Variants in DMD observed in about 807,000 individuals in gnomAD.
DMD encodes the protein mutant dystrophin.
DMD carries 63 observed loss-of-function variants against 330.1 expected under a neutral mutation model. The observed-to-expected ratio is 0.19, with a 90% confidence interval of 0.16 to 0.24. The LOEUF (loss-of-function observed/expected upper bound fraction) is 0.24. Among genes scored for constraint, DMD ranks in the 10% least tolerant of loss-of-function variants. DMD has a pLI of 1.00. For synonymous variants in DMD, 1,223 were observed against 959.8 expected, an observed-to-expected ratio of 1.27 and a Z score of -5.07; for missense variants, 3,344 against 2,684.1, an observed-to-expected ratio of 1.25 and a Z score of -5.43.
chrX:31,467,869 C>T (rs1483389243), intron 59 of DMD, among the ~76,000 whole-genome samples: 5 of 111,522 alleles, frequency 4.5e-5, no homozygotes, highest in Admixed American at 9.5e-5. Flanking sequence ...TTCAGGGATT[C>T]GATTTCTTCC....
intron 25 of DMD, among the ~76,000 whole-genome samples, chrX:32,455,701 C>A (rs73619092): frequency 0.046 from 5,151 of 110,964 alleles, 339 homozygotes; most frequent in African/African-American, 0.16. Context: ...AAGGTGCTTT[C>A]ATGAGAGATT....
chrX:31,510,726 G>C (rs1287569108), intron 55 of DMD, among the ~76,000 whole-genome samples: 1 of 109,632 alleles, frequency 9.1e-6, no homozygotes, highest in African/African-American at 3.3e-5. Context: ...AGCCAGGATG[G>C]TCTCGATCTC....
At chrX:32,082,410 A>ATCTATCTG (rs2096399617) in intron 44 of DMD, among the ~76,000 whole-genome samples, 1 of 107,389 alleles carries the variant, frequency 9.3e-6, no homozygotes, top group African/African-American at 3.4e-5. Context: ...CTATCTATCT[A>ATCTATCTG]TCTATCTATC....
At chrX:31,393,501 A>AC (rs1475110734) in intron 60 of DMD, among the ~76,000 whole-genome samples, 1 of 97,932 alleles carries the variant, frequency 1.0e-5, no homozygotes, top group African/African-American at 5.3e-5. Flanking sequence ...ACAAAAAAAA[A>AC]AAACAAACCC....
intron 25 of DMD, among the ~76,000 whole-genome samples, chrX:32,456,958 TAAA>T (rs59677275): frequency 1.2e-3 from 99 of 80,024 alleles, no homozygotes; most frequent in East Asian, 2.7e-3. Context: ...TCCAGATTGT[TAAA>T]AAAAAAAAAA....
At position 32,684,628 on chromosome X, in the gene DMD, A is replaced by G. The variant is rs760142964; in HGVS notation, c.960+13242T>C. Among the ~76,000 whole-genome samples, 169 of 111,798 alleles carry G rather than the reference A, an allele frequency of 1.5e-3. 1 individual carries two copies. The highest frequency in any genetic ancestry group is 4.7e-3 in the Middle Eastern group (1 of 214). The stretch of plus-strand genomic sequence containing the variant: ...CTGTTTCTTTATGTTCTGCAAAATT[A>G]TCAGTATTATCACTGTTTCAATCTG... On this transcript the variant is annotated intron_variant, in intron 9 of 78. Transcript: ENST00000357033.
At chrX:32,467,888 T>C (rs1000980837) in intron 23 of DMD, among the ~76,000 whole-genome samples, 1 of 110,001 alleles carries the variant, frequency 9.1e-6, no homozygotes, top group Non-Finnish European at 1.9e-5. Context: ...AGGAGTATCA[T>C]AGGACATTAA....
chrX:33,322,178 G>A (rs936259204), intron 1 of DMD, among the ~76,000 whole-genome samples: 1 of 111,429 alleles, frequency 9.0e-6, no homozygotes, highest in African/African-American at 3.3e-5. Context: ...ACTGTCTGGT[G>A]CAAGACGCCT....
At chrX:33,238,629 A>C (rs1346111843) in intron 1 of DMD, among the ~76,000 whole-genome samples, 1 of 111,501 alleles carries the variant, frequency 9.0e-6, no homozygotes, top group Non-Finnish European at 1.9e-5. Flanking sequence ...TAAACCATTA[A>C]CACAGTATTG....
chrX:32,464,441 G>T, intron 24 of DMD, 145 bp downstream of exon 24: 1 of 483,106 alleles, frequency 2.1e-6, no homozygotes. Context: ...CAACCCAGCT[G>T]TGACAATCAA....
At chrX:31,653,120 C>A (rs2080557348) in intron 54 of DMD, among the ~76,000 whole-genome samples, 1 of 111,297 alleles carries the variant, frequency 9.0e-6, no homozygotes, top group Admixed American at 9.5e-5. Flanking sequence ...CAATTGTTTT[C>A]TCTTTTCTTG....
chrX:32,655,741 T>A (rs772192139), intron 9 of DMD, among the ~76,000 whole-genome samples: 1 of 111,596 alleles, frequency 9.0e-6, no homozygotes, highest in African/African-American at 3.3e-5. Context: ...CAGTGGGGTG[T>A]TAAAGTCTCC....
At chrX:31,675,109 T>A (rs2082003784) in intron 53 of DMD, among the ~76,000 whole-genome samples, 1 of 112,458 alleles carries the variant, frequency 8.9e-6, no homozygotes, top group Non-Finnish European at 1.9e-5. Context: ...ACTTTCTAAC[T>A]TCATGTTTTT....
At chrX:32,910,800 A>C (rs1033380239) in intron 2 of DMD, among the ~76,000 whole-genome samples, 4 of 111,980 alleles carry the variant, frequency 3.6e-5, no homozygotes, top group Non-Finnish European at 7.5e-5. Flanking sequence ...GTATTTTAGG[A>C]ATCTGAACAC....
chrX:33,092,963 T>G (rs113255617), intron 1 of DMD, among the ~76,000 whole-genome samples: 1 of 111,270 alleles, frequency 9.0e-6, no homozygotes, highest in Non-Finnish European at 1.9e-5. Context: ...AACCTCCACC[T>G]CCTGGGTTCA....
chrX:31,685,983 AT>A (rs1170789392), intron 52 of DMD, among the ~76,000 whole-genome samples: 2 of 111,454 alleles, frequency 1.8e-5, no homozygotes, highest in Non-Finnish European at 1.9e-5. Context: ...TCTTTCATTT[AT>A]TATCTCATTG....
At chrX:32,178,828 GGGGTGTGTGTGTGTGT>G (rs2096915346) in intron 44 of DMD, among the ~76,000 whole-genome samples, 1 of 16,690 alleles carries the variant, frequency 6.0e-5, no homozygotes, top group Non-Finnish European at 1.2e-4. Flanking sequence ...AATATTCCAG[GGGGTGTGTGTGTGTGT>G]GTGTGTGTGT....
intron 52 of DMD, among the ~76,000 whole-genome samples, chrX:31,702,578 C>T (rs2083889135): frequency 9.0e-6 from 1 of 111,588 alleles, no homozygotes; most frequent in African/African-American, 3.3e-5. Flanking sequence ...TCTCTCTTCC[C>T]TAGATTGCTT....
At chrX:31,657,869 G>A (rs777791733) in intron 54 of DMD, 121 bp downstream of exon 54, 30 of 742,152 alleles carry the variant, frequency 4.0e-5, no homozygotes, top group East Asian at 9.9e-5. Flanking sequence ...GGTATTTATC[G>A]TCTTGAACCC....
Sources: allele counts gnomAD v4.1 joint callset (sites outside exome capture counted in the v4.1 genomes callset), GRCh38; gene constraint gnomAD v4.1.1; transcripts MANE v1.5; gene names NCBI Gene and HGNC (gene_info 2026-07-23, HGNC 2026-07-21).